The following ABCB9 variants were observed in gnomAD, a reference collection of about 807,000 sequenced individuals.
The protein encoded by ABCB9 is ABC-type oligopeptide transporter ABCB9.
In ABCB9, 36 loss-of-function variants were observed where a neutral mutation model predicts 62.0. That is an observed-to-expected ratio of 0.58 (90% confidence interval 0.45 to 0.77). ABCB9 has a LOEUF of 0.77. Ranked by LOEUF, ABCB9 falls within the 30% of genes least tolerant of loss-of-function variation. The pLI is 0.00. For synonymous variants in ABCB9, 435 were observed against 461.4 expected (o/e 0.94, Z 0.73); for missense variants, 943 against 1,054.7 (o/e 0.89, Z 1.47).
At position 122,935,432 on chromosome 12, in the gene ABCB9, C is replaced by A. The variant is rs753333607; in HGVS notation, c.1744-1G>T. The A allele has an allele frequency of 2.5e-6, 4 of 1,612,756 alleles. No homozygotes were observed. In the Admixed American group the frequency reaches 5.0e-5, roughly 20 times the overall value. On this transcript the variant is annotated splice_acceptor_variant, in intron 9 of 11. Coordinates refer to ENST00000280560, the MANE Select transcript of ABCB9 (RefSeq NM_019625.4). LOFTEE classifies it high-confidence loss of function. ...CGGGCTCCTGGCTCACCAGGGAGAT[C>A]TGGGGAGGAGGGAGCATGGAGCATG...
upstream of ABCB9, among the ~76,000 whole-genome samples, chr12:122,966,862 A>G (rs956979114): frequency 1.3e-5 from 2 of 152,246 alleles, no homozygotes; most frequent in Non-Finnish European, 1.5e-5. Flanking sequence ...AGGGTGGGTT[A>G]TGGTCCTCAT....
At chr12:122,934,205 T>A (rs2035339559) in intron 10 of ABCB9, among the ~76,000 whole-genome samples, 1 of 152,030 alleles carries the variant, frequency 6.6e-6, no homozygotes, top group South Asian at 2.1e-4. Context: ...GCAAGATTAC[T>A]CCACTCTACT....
In ABCB9 at chr12:122,948,693, G is replaced by C. The variant is rs2036185010; in HGVS notation, c.984C>G (p.Leu328=). ...VVFMFSLSWQ[L]SLVTFMGFPI... ...GGAAGCCCATGAAGGTGACCAAGGA[G>C]AGCTGCCATGAGAGGCTGAACATGA... is the stretch of plus-strand genomic sequence containing the variant. Residue 328 remains leucine, a synonymous_variant, in exon 5 of 12, where the codon CTC becomes CTG. Coordinates refer to ENST00000280560, the MANE Select transcript of ABCB9 (RefSeq NM_019625.4). 5.6e-6 allele frequency: 9 copies of C among 1,613,924 alleles called. No individual in the cohort carries two copies. The highest frequency in any genetic ancestry group is 7.6e-6 in the Non-Finnish European group (9 of 1,179,962).
upstream of ABCB9, among the ~76,000 whole-genome samples, chr12:122,969,141 G>A (rs1364208633): frequency 6.8e-6 from 1 of 147,742 alleles, no homozygotes; most frequent in African/African-American, 2.5e-5. Flanking sequence ...AGGTGAGTGG[G>A]CCACCAGTCA....
intron 9 of ABCB9, among the ~76,000 whole-genome samples, chr12:122,935,976 CAGG>C (rs1312472624): frequency 6.6e-6 from 1 of 151,998 alleles, no homozygotes; most frequent in African/African-American, 2.4e-5. Flanking sequence ...GAGGCAGAGG[CAGG>C]AGAATGGCTT....
chr12:122,969,074 T>A (rs904380471), upstream of ABCB9, among the ~76,000 whole-genome samples: 1 of 151,812 alleles, frequency 6.6e-6, no homozygotes, highest in Non-Finnish European at 1.5e-5. Flanking sequence ...CAATGTCAGG[T>A]GCACTGCAGG....
rs574363017 is a variant in ABCB9 at position 122,930,593 on chromosome 12, A to G, written c.2041-422T>C. Among the ~76,000 whole-genome samples, 2 of 151,994 alleles carry G rather than the reference A, an allele frequency of 1.3e-5. No homozygotes were observed. The highest frequency in any genetic ancestry group is 4.8e-5 in the African/African-American group (2 of 41,460). On this transcript the variant is annotated intron_variant, in intron 11 of 11. Coordinates refer to ENST00000280560, the MANE Select transcript of ABCB9 (RefSeq NM_019625.4). The surrounding 1 kb of genome is among the most constrained non-coding windows in gnomAD (Gnocchi z 4.9). ...CCCAGCTAATTTTTGTATTTTTAGT[A>G]GAGACAGGGTTTCACCATGTTGGCC...
chr12:122,959,805 G>A lies in ABCB9; in HGVS notation c.431C>T (p.Thr144Ile), dbSNP rs777481043. ...GGCCGCCCCTGGCTCCAGGGCCTGG[G>A]TGCCTGGCCGCACGGTGGACAGCAG... ...WWLLSTVRPG[T>I]QALEPGAATE... Residue 144 changes from threonine (T) to isoleucine (I), a missense_variant, in exon 2 of 12, where the codon ACC becomes ATC. Transcript: ENST00000280560. The surrounding 1 kb of genome is among the most constrained non-coding windows in gnomAD (Gnocchi z 5.4). The A allele has an allele frequency of 6.2e-7, 1 of 1,612,480 alleles. No individual in the cohort carries two copies. The highest frequency in any genetic ancestry group is 8.5e-7 in the Non-Finnish European group (1 of 1,179,542).
At chr12:122,941,067 G>A (rs2035740639) in intron 7 of ABCB9, 72 bp from the exon 8 acceptor site, 3 of 1,466,680 alleles carry the variant, frequency 2.0e-6, no homozygotes, top group Non-Finnish European at 2.7e-6. Flanking sequence ...CTACTAGAGA[G>A]GAGGCAGGTA....
chr12:122,974,462 G>C (rs1284508138), intron 1 of ABCB9: 1 of 152,324 alleles, frequency 6.6e-6, no homozygotes, highest in Non-Finnish European at 1.5e-5. Flanking sequence ...GCGGGTCCCT[G>C]TGCCTCTCTG....
rs780352581 is a variant in ABCB9 at position 122,940,100 on chromosome 12, C to T, written c.1743+11G>A. On this transcript the variant is annotated intron_variant, in intron 9 of 11. Transcript: ENST00000280560. The surrounding 1 kb of genome is among the most constrained non-coding windows in gnomAD (Gnocchi z 4.8). Reference sequence around the variant, plus strand: ...AGGGCGGAGAAGTGTGGCCCAGGCCCGTGCACATACCACACGGTGCAAGTA... The same window carrying T: ...AGGGCGGAGAAGTGTGGCCCAGGCCTGTGCACATACCACACGGTGCAAGTA... The T allele has an allele frequency of 2.6e-5, 41 of 1,606,086 alleles. No individual in the cohort carries two copies. Among genetic ancestry groups the T allele is most frequent in the Non-Finnish European group, 3.2e-5 (38 of 1,176,622 alleles).
downstream of ABCB9, chr12:122,924,871 A>AT: frequency 6.6e-7 from 1 of 1,518,374 alleles, no homozygotes. Context: ...GAAAAAAGTC[A>AT]GCTTTAAAAG....
intron 10 of ABCB9, among the ~76,000 whole-genome samples, chr12:122,933,579 C>A (rs1276237999): frequency 6.6e-6 from 1 of 151,812 alleles, no homozygotes; most frequent in Non-Finnish European, 1.5e-5. Flanking sequence ...AGTGAATAAT[C>A]CAGTGGCATT....
Position 122,929,690 on chromosome 12 carries a change from G to A in ABCB9, c.*221C>T. 3 of 1,290,294 alleles carry A rather than the reference G, an allele frequency of 2.3e-6. No individual in the cohort carries two copies. The highest frequency in any genetic ancestry group is 3.0e-6 in the Non-Finnish European group (3 of 1,016,920). The allele number at this position is 1,290,294 out of a possible 1,614,324, so 79.9% of individuals were successfully genotyped here. On this transcript the variant is annotated 3_prime_UTR_variant, in exon 12 of 12. Transcript: ENST00000280560. This position sits in a 1 kb window ranked among gnomAD's most constrained non-coding sequence, Gnocchi z 6.0. Reference sequence around the variant, plus strand: ...TACCTTTGCTTAGGAGGCTAGGGAGGTCCGTGAAGGCGTTGGCTCAGGGCA... The same window carrying A: ...TACCTTTGCTTAGGAGGCTAGGGAGATCCGTGAAGGCGTTGGCTCAGGGCA...
Position 122,932,141 on chromosome 12 carries a change from GCCA to G in ABCB9, c.2040+48_2040+50del. ...CATCTGCTGGGCGATGGGGGCTCTG[GCCA>G]CCTGGAGCCGCTCCTGCCCCCGCAT... is the stretch of plus-strand genomic sequence containing the variant. On this transcript the variant is annotated intron_variant, in intron 11 of 11. Transcript: ENST00000280560. The surrounding 1 kb of genome is among the most constrained non-coding windows in gnomAD (Gnocchi z 4.7). The G allele has an allele frequency of 6.5e-7, 1 of 1,549,970 alleles. No homozygotes were observed. Among genetic ancestry groups the G allele is most frequent in the Non-Finnish European group, 8.7e-7 (1 of 1,147,010 alleles).
At chr12:122,971,197 A>G (rs1173917948), upstream of ABCB9, among the ~76,000 whole-genome samples, 1 of 152,036 alleles carries the variant, frequency 6.6e-6, no homozygotes, top group Non-Finnish European at 1.5e-5. Context: ...AGCCTGGCCA[A>G]TATGGTGAAA....
intron 9 of ABCB9, among the ~76,000 whole-genome samples, chr12:122,938,854 CAAAT>C (rs749209738): frequency 6.6e-6 from 1 of 151,094 alleles, no homozygotes; most frequent in South Asian, 2.1e-4. Context: ...TAAAAATAAA[CAAAT>C]AAATAAAATA....
At chr12:122,943,981 C>T (rs1191430139) in intron 7 of ABCB9, among the ~76,000 whole-genome samples, 2 of 152,150 alleles carry the variant, frequency 1.3e-5, no homozygotes, top group African/African-American at 4.8e-5. Context: ...CTCTGTCACC[C>T]AGGCTGGAGT....
At chr12:122,958,627 C>T (rs1481462826) in intron 2 of ABCB9, among the ~76,000 whole-genome samples, 1 of 152,066 alleles carries the variant, frequency 6.6e-6, no homozygotes, top group African/African-American at 2.4e-5. Flanking sequence ...TCACTTGAGC[C>T]CAGGAGTTCG....
Sources: gnomAD v4.1 joint callset for allele counts (sites outside exome capture counted in the v4.1 genomes callset) on GRCh38, gnomAD v4.1.1 for gene constraint, Gnocchi (gnomAD v3.1) non-coding constraint, MANE v1.5 for transcripts, NCBI Gene and HGNC (gene_info 2026-07-23, HGNC 2026-07-21) for gene names.